Variants in RFTN2 observed in about 807,000 individuals in gnomAD.
The protein encoded by RFTN2 is raftlin-2.
In RFTN2, 34 loss-of-function variants were observed where a neutral mutation model predicts 52.7. The observed-to-expected ratio is 0.64, with a 90% CI of 0.49 to 0.86. The LOEUF is 0.86. RFTN2 is among the 40% of genes least tolerant of loss of function. RFTN2 has a pLI of 0.00. For synonymous variants in RFTN2, 203 were observed against 217.7 expected (o/e 0.93, Z 0.59); for missense variants, 536 against 600.1 (o/e 0.89, Z 1.12).
chr2:197,572,355 T>C, intron 8 of RFTN2, 75 bp from the exon 9 acceptor site: 14 of 1,398,146 alleles, frequency 1.0e-5, no homozygotes, highest in Non-Finnish European at 1.2e-5. Context: ...TAGCACATGC[T>C]GCCTTTCTGC....
At chr2:197,644,674 G>T (rs1002653822) in intron 2 of RFTN2, among the ~76,000 whole-genome samples, 1 of 151,188 alleles carries the variant, frequency 6.6e-6, no homozygotes, top group African/African-American at 2.4e-5. Flanking sequence ...CTTATTCTTC[G>T]GCTTGCCAGG....
chr2:197,645,897 G>A (rs1325824701), intron 2 of RFTN2, among the ~76,000 whole-genome samples: 1 of 152,098 alleles, frequency 6.6e-6, no homozygotes, highest in Non-Finnish European at 1.5e-5. Flanking sequence ...GTGGTGGCAG[G>A]AGCCTGTAAT....
intron 5 of RFTN2, among the ~76,000 whole-genome samples, chr2:197,621,159 T>C (rs1170945231): frequency 6.6e-6 from 1 of 152,064 alleles, no homozygotes; most frequent in Non-Finnish European, 1.5e-5. Flanking sequence ...CATCACTAGA[T>C]CATCTACAAT....
intron 8 of RFTN2, among the ~76,000 whole-genome samples, chr2:197,594,913 T>A (rs1346539095): frequency 2.0e-5 from 3 of 152,250 alleles, no homozygotes; most frequent in Non-Finnish European, 4.4e-5. Context: ...CTTTAAAATG[T>A]ACTAAACAAT....
chr2:197,642,233 A>G (rs1054731362), intron 3 of RFTN2, among the ~76,000 whole-genome samples: 1 of 152,220 alleles, frequency 6.6e-6, no homozygotes, highest in African/African-American at 2.4e-5. Flanking sequence ...GGAAACAACT[A>G]GAGAAACAAG....
intron 3 of RFTN2, among the ~76,000 whole-genome samples, chr2:197,641,344 C>G (rs569074809): frequency 2.6e-5 from 4 of 152,310 alleles, no homozygotes; most frequent in Admixed American, 2.6e-4. Context: ...TATGAATTAA[C>G]ATATTGAGAT....
Position 197,572,202 on chromosome 2 carries a change from A to G in RFTN2, c.1312T>C (p.Ser438Pro), listed in dbSNP as rs146851397. 206 of 1,614,228 alleles carry G rather than the reference A, an allele frequency of 1.3e-4. No homozygotes were observed. The African/African-American group carries it at 2.7e-3, about 21-fold the overall frequency. Reference protein sequence around the residue: ...SRSIGLDTTSSQPAESRHLPE... With the variant: ...SRSIGLDTTSPQPAESRHLPE... ...AGGTGTCTGCTCTCTGCAGGTTGTG[A>G]CGAGGTTGTGTCTAATCCGATGCTT... The change falls in exon 9 of 9, where the codon TCA becomes CCA. Residue 438 changes from serine to proline, a missense_variant. Coordinates refer to ENST00000295049, the MANE Select transcript of RFTN2 (RefSeq NM_144629.3).
intron 5 of RFTN2, among the ~76,000 whole-genome samples, chr2:197,629,237 C>A (rs1472878469): frequency 6.6e-6 from 1 of 152,166 alleles, no homozygotes; most frequent in African/African-American, 2.4e-5. Flanking sequence ...AAATGTGGCA[C>A]ATATACACCA....
intron 7 of RFTN2, among the ~76,000 whole-genome samples, chr2:197,607,424 T>C (rs2087980539): frequency 6.6e-6 from 1 of 151,860 alleles, no homozygotes; most frequent in Admixed American, 6.6e-5. Context: ...GGCACATGTA[T>C]ACATATGTAA....
chr2:197,583,624 CTTTTTTT>C (rs748512572), intron 8 of RFTN2, among the ~76,000 whole-genome samples: 1 of 139,740 alleles, frequency 7.2e-6, no homozygotes, highest in Admixed American at 7.2e-5. Context: ...GACAGTACTT[CTTTTTTT>C]TTTTTTTTTA....
intron 1 of RFTN2, among the ~76,000 whole-genome samples, chr2:197,668,076 G>T (rs991182968): frequency 6.6e-6 from 1 of 152,160 alleles, no homozygotes; most frequent in Non-Finnish European, 1.5e-5. Context: ...CAGTGTCTGT[G>T]GTGGGCTGTG....
Position 197,636,117 on chromosome 2 carries a change from T to G in RFTN2, c.439-2120A>C, listed in dbSNP as rs563367148. 7.2e-5 allele frequency among the ~76,000 whole-genome samples: 11 copies of G among 152,096 alleles called. No homozygotes were observed. The South Asian group carries it at 2.1e-3, about 29-fold the overall frequency. On this transcript the variant is annotated intron_variant, in intron 3 of 8. Transcript: ENST00000295049. ...TCTATATCTCTTGTTTTGGTACCAG[T>G]ACCATGCTGTTTTGGTTACTGTAGC...
chr2:197,639,324 C>G (rs1244023360), intron 3 of RFTN2, among the ~76,000 whole-genome samples: 1 of 149,736 alleles, frequency 6.7e-6, no homozygotes, highest in African/African-American at 2.5e-5. Context: ...GGATAATATC[C>G]TGCAGAGTGT....
At chr2:197,637,488 A>T (rs1206880612) in intron 3 of RFTN2, among the ~76,000 whole-genome samples, 3 of 152,238 alleles carry the variant, frequency 2.0e-5, no homozygotes, top group South Asian at 4.2e-4. Flanking sequence ...TGTGTTGAGG[A>T]ATTTATCCAT....
chr2:197,642,416 T>C (rs73988492), intron 3 of RFTN2, among the ~76,000 whole-genome samples: 3,864 of 152,332 alleles, frequency 0.025, 173 homozygotes, highest in African/African-American at 0.087. Context: ...TTTGTTTTAA[T>C]CAATACATAT....
intron 2 of RFTN2, among the ~76,000 whole-genome samples, chr2:197,644,938 A>G (rs1381316471): frequency 6.6e-6 from 1 of 152,162 alleles, no homozygotes; most frequent in African/African-American, 2.4e-5. Context: ...TCACACCTGG[A>G]ATTTTTTTAA....
In RFTN2 at chr2:197,659,174, C is replaced by T. The variant is rs527301402; in HGVS notation, c.140-12508G>A. 5.3e-5 allele frequency among the ~76,000 whole-genome samples: 8 copies of T among 152,174 alleles called. No homozygotes were observed. The South Asian group carries it at 1.5e-3, about 28-fold the overall frequency. On this transcript the variant is annotated intron_variant, in intron 1 of 8. Transcript: ENST00000295049. ...ACATATGTTCTTTCCACCAATTTAC[C>T]TCTGATGACTGGTGTGTATTTTTGA...
intron 5 of RFTN2, among the ~76,000 whole-genome samples, chr2:197,620,386 C>T (rs2088242498): frequency 6.6e-6 from 1 of 152,120 alleles, no homozygotes. Context: ...GACATTTTTC[C>T]CATGGTCATG....
chr2:197,577,341 C>T (rs920903764), intron 8 of RFTN2, among the ~76,000 whole-genome samples: 5 of 152,240 alleles, frequency 3.3e-5, no homozygotes, highest in African/African-American at 1.2e-4. Context: ...AACAATGGCC[C>T]ACCTTCGTGG....
Sources: allele counts gnomAD v4.1 joint callset (sites outside exome capture counted in the v4.1 genomes callset), GRCh38; gene constraint gnomAD v4.1.1; transcripts MANE v1.5; gene names NCBI Gene and HGNC (gene_info 2026-07-23, HGNC 2026-07-21).